CSMD3: variants seen among roughly 807,000 people sequenced by gnomAD.
The protein encoded by CSMD3 is CUB and Sushi multiple domains 3.
A neutral mutation model predicts 435.2 loss-of-function variants in CSMD3; 177 were observed. That is an observed-to-expected ratio of 0.41 (90% CI 0.36 to 0.46). The LOEUF (loss-of-function observed/expected upper bound fraction) is 0.46. Ranked by LOEUF, CSMD3 falls within the 20% of genes least tolerant of loss-of-function variation. The pLI, the probability that CSMD3 is intolerant of heterozygous loss-of-function variation, is 0.34. For missense variants in CSMD3, 4,265 were observed against 4,504.6 expected (o/e 0.95, Z 1.52); for synonymous variants, 1,656 against 1,520.5 (o/e 1.09, Z -2.07).
At chr8:113,085,250 C>A (rs1604847) in intron 5 of CSMD3, among the ~76,000 whole-genome samples, 71,331 of 123,604 alleles carry the variant, frequency 0.58, 19,309 homozygotes, top group East Asian at 0.89. Context: ...CAAAAAAAAA[C>A]CACCCACAAA....
chr8:112,701,762 T>C (rs113549079), intron 13 of CSMD3, among the ~76,000 whole-genome samples: 2,930 of 152,282 alleles, frequency 0.019, 52 homozygotes, highest in Middle Eastern at 0.048. Flanking sequence ...TCCCATCATT[T>C]TCCCATAAGC....
chr8:113,425,726 CGA>C (rs1315211931), intron 1 of CSMD3, among the ~76,000 whole-genome samples: 1 of 151,212 alleles, frequency 6.6e-6, no homozygotes, highest in Non-Finnish European at 1.5e-5. Flanking sequence ...GATTTAAAGA[CGA>C]AAGTTTTTTA....
At chr8:112,518,758 A>T (rs1436044745) in intron 27 of CSMD3, among the ~76,000 whole-genome samples, 1 of 152,116 alleles carries the variant, frequency 6.6e-6, no homozygotes, top group Non-Finnish European at 1.5e-5. Context: ...TGCTATAAAT[A>T]ACTACCTGGG....
intron 5 of CSMD3, among the ~76,000 whole-genome samples, chr8:113,035,193 A>G (rs1056471496): frequency 1.3e-5 from 2 of 152,068 alleles, no homozygotes; most frequent in African/African-American, 2.4e-5. Context: ...GAAAAAATCA[A>G]TAAAATCAAT....
intron 3 of CSMD3, among the ~76,000 whole-genome samples, chr8:113,236,839 A>G (rs1225699527): frequency 6.6e-6 from 1 of 151,938 alleles, no homozygotes; most frequent in Non-Finnish European, 1.5e-5. Context: ...CTATCTATCT[A>G]CCTACCTATT....
chr8:112,449,100 C>T (rs143057037), intron 32 of CSMD3, among the ~76,000 whole-genome samples: 185 of 152,192 alleles, frequency 1.2e-3, no homozygotes, highest in African/African-American at 4.1e-3. Context: ...TCAATCTACA[C>T]GATTTGGGTG....
At chr8:113,089,582 T>A (rs2089932059) in intron 5 of CSMD3, among the ~76,000 whole-genome samples, 1 of 152,116 alleles carries the variant, frequency 6.6e-6, no homozygotes, top group Non-Finnish European at 1.5e-5. Context: ...AATAAAGGGA[T>A]ATTAATTTTT....
chr8:112,348,061 T>G (rs1034088284), intron 40 of CSMD3, among the ~76,000 whole-genome samples: 2 of 152,166 alleles, frequency 1.3e-5, no homozygotes, highest in African/African-American at 4.8e-5. Context: ...GAAAACAGAA[T>G]AGAGTAAAGA....
At chr8:112,545,271 CAGG>C (rs1386899198) in intron 27 of CSMD3, among the ~76,000 whole-genome samples, 1 of 151,928 alleles carries the variant, frequency 6.6e-6, no homozygotes, top group Non-Finnish European at 1.5e-5. Context: ...ATCACAAGGT[CAGG>C]AGATCGAGAC....
At chr8:113,429,803 G>A (rs1232967135) in intron 1 of CSMD3, among the ~76,000 whole-genome samples, 1 of 152,046 alleles carries the variant, frequency 6.6e-6, no homozygotes, top group Non-Finnish European at 1.5e-5. Context: ...CTGAGTTCTG[G>A]AATTAATGGT....
intron 1 of CSMD3, among the ~76,000 whole-genome samples, chr8:113,335,935 C>G (rs2094070951): frequency 6.6e-6 from 1 of 151,884 alleles, no homozygotes. Flanking sequence ...GGGGTATACT[C>G]AGTTTTTGCA....
chr8:113,255,945 T>C (rs183381969), intron 3 of CSMD3, among the ~76,000 whole-genome samples: 460 of 152,132 alleles, frequency 3.0e-3, no homozygotes, highest in Non-Finnish European at 4.8e-3. Context: ...TAATTATACA[T>C]AGACTGTGTC....
chr8:112,653,219 T>C (rs2075172361), intron 18 of CSMD3, among the ~76,000 whole-genome samples: 2 of 150,994 alleles, frequency 1.3e-5, no homozygotes, highest in South Asian at 4.2e-4. Flanking sequence ...CCTTATTGCT[T>C]TATAGAGCTT....
chr8:112,500,341 A>T (rs1023457899), intron 30 of CSMD3, among the ~76,000 whole-genome samples: 2 of 152,196 alleles, frequency 1.3e-5, no homozygotes, highest in African/African-American at 4.8e-5. Flanking sequence ...AAGATTTTTT[A>T]AAATCTAAGA....
intron 2 of CSMD3, among the ~76,000 whole-genome samples, chr8:113,288,120 A>T (rs747911042): frequency 3.3e-5 from 5 of 151,880 alleles, no homozygotes; most frequent in Non-Finnish European, 7.4e-5. Flanking sequence ...TAATTCTTAG[A>T]TAAGATGATA....
At chr8:112,405,973 A>T (rs1831822849) in intron 35 of CSMD3, among the ~76,000 whole-genome samples, 1 of 152,126 alleles carries the variant, frequency 6.6e-6, no homozygotes, top group Non-Finnish European at 1.5e-5. Flanking sequence ...ATAGCACAAC[A>T]GTGTGACTAC....
chr8:112,524,720 A>T lies in CSMD3; in HGVS notation c.4565-7495T>A, dbSNP rs190995752. 8.2e-4 allele frequency among the ~76,000 whole-genome samples: 124 copies of T among 152,146 alleles called. 1 individual carries two copies. The highest frequency in any genetic ancestry group is 2.7e-3 in the African/African-American group (114 of 41,560). ...AAATATGTATTGAGTAACATAATTG[A>T]TATTATATTGATGTATGTCTCACAA... is the stretch of plus-strand genomic sequence containing the variant. On this transcript the variant is annotated intron_variant, in intron 27 of 70. Coordinates refer to ENST00000297405, the MANE Select transcript of CSMD3 (RefSeq NM_198123.2).
At chr8:113,277,684 CT>C (rs1443288271) in intron 3 of CSMD3, among the ~76,000 whole-genome samples, 1 of 151,792 alleles carries the variant, frequency 6.6e-6, no homozygotes, top group Non-Finnish European at 1.5e-5. Flanking sequence ...GTGATAAATT[CT>C]GTAATATGGT....
intron 1 of CSMD3, among the ~76,000 whole-genome samples, chr8:113,399,950 A>G (rs893205045): frequency 2.2e-4 from 33 of 150,408 alleles, no homozygotes; most frequent in African/African-American, 3.2e-4. Context: ...TATTCTGTGT[A>G]TATATATATA....
Sources: gnomAD v4.1 joint callset for allele counts (sites outside exome capture counted in the v4.1 genomes callset) on GRCh38, gnomAD v4.1.1 for gene constraint, MANE v1.5 for transcripts, NCBI Gene and HGNC (gene_info 2026-07-23, HGNC 2026-07-21) for gene names.